The following CDH12 variants were observed in gnomAD, a reference collection of about 807,000 sequenced individuals.
CDH12 encodes cadherin-12.
Under a neutral mutation model 74.1 loss-of-function variants are expected in CDH12, and 41 were observed. The observed-to-expected ratio is 0.55, with a 90% confidence interval of 0.43 to 0.72. The LOEUF is 0.72. Among genes scored for constraint, CDH12 ranks in the 30% least tolerant of loss-of-function variants. The pLI is 0.00. For synonymous variants in CDH12, 399 were observed against 355.0 expected, an observed-to-expected ratio of 1.12 and a Z score of -1.39; for missense variants, 945 against 977.2, an observed-to-expected ratio of 0.97 and a Z score of 0.44.
intron 1 of CDH12, among the ~76,000 whole-genome samples, chr5:22,820,350 C>G (rs763712848): frequency 2.0e-5 from 3 of 151,920 alleles, no homozygotes; most frequent in Non-Finnish European, 4.4e-5. Context: ...GGGAGGGAAC[C>G]AGTGGGAGGT....
chr5:22,718,444 G>A lies in CDH12; in HGVS notation c.-523+134614C>T, dbSNP rs1743699773. 2.6e-5 allele frequency among the ~76,000 whole-genome samples: 4 copies of A among 152,188 alleles called. 1 individual carries two copies. Among genetic ancestry groups the A allele is most frequent in the Admixed American group, 2.6e-4 (4 of 15,270 alleles). ...ATGATCGTTGTTTCCATGTCACTGAGCTTTGGCTTAAGGAATAACGGTTGA... is the reference window on the plus strand; with the variant it reads ...ATGATCGTTGTTTCCATGTCACTGAACTTTGGCTTAAGGAATAACGGTTGA... On this transcript the variant is annotated intron_variant, in intron 1 of 14. Coordinates refer to ENST00000382254, the MANE Select transcript of CDH12 (RefSeq NM_004061.5).
intron 5 of CDH12, among the ~76,000 whole-genome samples, chr5:21,986,084 G>A (rs1757503994): frequency 1.3e-5 from 2 of 152,030 alleles, no homozygotes; most frequent in Non-Finnish European, 2.9e-5. Context: ...TCCCCTGCCT[G>A]AGTAACAGAC....
intron 2 of CDH12, among the ~76,000 whole-genome samples, chr5:22,440,755 C>T (rs1007294809): frequency 7.2e-5 from 11 of 152,132 alleles, no homozygotes; most frequent in Non-Finnish European, 1.6e-4. Context: ...TTCTGCCTCT[C>T]TCTTGTTAGA....
At position 22,489,056 on chromosome 5, in the gene CDH12, C is replaced by CTTTTTTTTT. The variant is rs10685463; in HGVS notation, c.-428+16205_-428+16213dup. On this transcript the variant is annotated intron_variant, in intron 2 of 14. Transcript: ENST00000382254. ...AGTAATTGCAGTTTTTTGGTACCAC[C>CTTTTTTTTT]TTTTTTTTTTTTTTTTTTTGAGACA... Among the ~76,000 whole-genome samples the CTTTTTTTTT allele has an allele frequency of 6.9e-3, 256 of 37,306 alleles. 94 individuals are homozygous for CTTTTTTTTT. Among genetic ancestry groups the CTTTTTTTTT allele is most frequent in the African/African-American group, 0.022 (202 of 9,072 alleles). 24.5% of individuals were successfully genotyped at this position (37,306 alleles called of 152,430 possible).
chr5:22,667,554 T>G (rs1740688837), intron 1 of CDH12, among the ~76,000 whole-genome samples: 1 of 152,206 alleles, frequency 6.6e-6, no homozygotes. Context: ...GGAGGCTGTG[T>G]GTGTTCAGAC....
At chr5:22,311,292 C>T (rs1203057252) in intron 3 of CDH12, among the ~76,000 whole-genome samples, 2 of 152,076 alleles carry the variant, frequency 1.3e-5, no homozygotes, top group Admixed American at 6.6e-5. Flanking sequence ...AAGTTCTTTG[C>T]CATGAATTTA....
chr5:21,902,230 GCTCT>G (rs375754938), intron 6 of CDH12, among the ~76,000 whole-genome samples: 1 of 149,880 alleles, frequency 6.7e-6, no homozygotes, highest in African/African-American at 2.4e-5. Context: ...AAATTGAGGT[GCTCT>G]CTCTCTCTCT....
intron 5 of CDH12, among the ~76,000 whole-genome samples, chr5:22,058,697 AAAG>A (rs1740932829): frequency 6.6e-6 from 1 of 151,446 alleles, no homozygotes; most frequent in South Asian, 2.1e-4. Flanking sequence ...AAGAAGAAAG[AAAG>A]AAGAAAGAAA....
chr5:21,772,098 G>C (rs1745353514), intron 11 of CDH12, among the ~76,000 whole-genome samples: 1 of 140,654 alleles, frequency 7.1e-6, no homozygotes, highest in Non-Finnish European at 1.6e-5. Flanking sequence ...TCTTGGTTGA[G>C]AGGAGAGGTC....
At chr5:22,377,156 A>G (rs1378014132) in intron 3 of CDH12, among the ~76,000 whole-genome samples, 1 of 152,180 alleles carries the variant, frequency 6.6e-6, no homozygotes, top group Non-Finnish European at 1.5e-5. Flanking sequence ...TGGCTCATAC[A>G]GCAACCAATA....
chr5:22,538,226 T>TCA (rs1737948635), intron 1 of CDH12, among the ~76,000 whole-genome samples: 1 of 152,174 alleles, frequency 6.6e-6, no homozygotes. Flanking sequence ...CCTCATTTCT[T>TCA]CACCCTGAAT....
chr5:22,552,750 A>G (rs1422642644), intron 1 of CDH12, among the ~76,000 whole-genome samples: 3 of 151,996 alleles, frequency 2.0e-5, no homozygotes, highest in Non-Finnish European at 4.4e-5. Context: ...TTCTATTAAC[A>G]TTTTATACAG....
intron 6 of CDH12, among the ~76,000 whole-genome samples, chr5:21,968,631 T>C (rs779249562): frequency 3.3e-5 from 5 of 152,328 alleles, no homozygotes; most frequent in East Asian, 1.9e-4. Context: ...AATCATCTTT[T>C]AGTCTGTGCA....
At chr5:22,607,856 T>A (rs1737196781) in intron 1 of CDH12, among the ~76,000 whole-genome samples, 2 of 152,202 alleles carry the variant, frequency 1.3e-5, no homozygotes, top group Admixed American at 6.5e-5. Flanking sequence ...CCATGTGGTG[T>A]TGAGCCTAAG....
Position 21,783,397 on chromosome 5 carries a change from T to A in CDH12, c.1354A>T (p.Thr452Ser). Residue 452 changes from threonine to serine, a missense_variant, in exon 11 of 15, where the codon ACT becomes TCT. Around this residue, in one of 3 missense-constraint regions of CDH12, gnomAD observed 791 missense variants for 792.8 expected, o/e 1.00. Transcript: ENST00000382254. Reference protein sequence around the residue: ...ATNELLDRESTAQYNFSIIAS... With the variant: ...ATNELLDRESSAQYNFSIIAS... The stretch of plus-strand genomic sequence containing the variant: ...ATTATGGAGAAATTATACTGCGCAG[T>A]GCTTTCTCTGTCTAGTAATTCATTA... The A allele has an allele frequency of 6.2e-7, 1 of 1,613,224 alleles. No individual in the cohort carries two copies. Among genetic ancestry groups the A allele is most frequent in the Non-Finnish European group, 8.5e-7 (1 of 1,179,228 alleles).
chr5:21,756,608 T>C lies in CDH12; in HGVS notation c.1634-766A>G, dbSNP rs765197026. Reference sequence around the variant, plus strand: ...TGCTCTTTTGCATGCATTTGCTCTTTTATTTCTACACAAATAAGCAGAAAT... The same window carrying C: ...TGCTCTTTTGCATGCATTTGCTCTTCTATTTCTACACAAATAAGCAGAAAT... On this transcript the variant is annotated intron_variant, in intron 13 of 14. Coordinates refer to ENST00000382254, the MANE Select transcript of CDH12 (RefSeq NM_004061.5). Among the ~76,000 whole-genome samples, 3 of 152,312 alleles carry C rather than the reference T, an allele frequency of 2.0e-5. No homozygotes were observed. The South Asian group carries it at 6.2e-4, about 32-fold the overall frequency.
At chr5:22,777,284 C>T (rs1747151984) in intron 1 of CDH12, among the ~76,000 whole-genome samples, 1 of 152,126 alleles carries the variant, frequency 6.6e-6, no homozygotes, top group Non-Finnish European at 1.5e-5. Flanking sequence ...TTGCATTACA[C>T]TTAGTGTATA....
intron 3 of CDH12, among the ~76,000 whole-genome samples, chr5:22,363,743 TG>T (rs1295528142): frequency 6.6e-6 from 1 of 152,160 alleles, no homozygotes; most frequent in Non-Finnish European, 1.5e-5. Flanking sequence ...AATGCATCTT[TG>T]GGAAGTAAAG....
intron 1 of CDH12, among the ~76,000 whole-genome samples, chr5:22,697,584 A>AG (rs1486925144): frequency 1.3e-5 from 2 of 151,508 alleles, no homozygotes; most frequent in African/African-American, 4.8e-5. Flanking sequence ...AAAAAAAAAA[A>AG]AAAAAGAAAG....
Sources: allele counts gnomAD v4.1 joint callset (sites outside exome capture counted in the v4.1 genomes callset), GRCh38; gene constraint gnomAD v4.1.1; regional missense constraint gnomAD v4.1.1; transcripts MANE v1.5; gene names NCBI Gene and HGNC (gene_info 2026-07-23, HGNC 2026-07-21).